The following GLYATL1 variants were observed in gnomAD, a reference collection of about 807,000 sequenced individuals.
The protein encoded by GLYATL1 is glycine-N-acyltransferase like 1, also known as glycine N-acyltransferase-like protein 1.
In GLYATL1, 15 loss-of-function variants were observed where a neutral mutation model predicts 20.0. The ratio of observed to expected loss-of-function variants is 0.75; its 90% CI spans 0.50 to 1.15. The LOEUF (loss-of-function observed/expected upper bound fraction) is 1.15, where lower values mean the gene tolerates loss of function less well. Among genes scored for constraint, GLYATL1 ranks in the 50% most tolerant of loss-of-function variants. The pLI, the probability that GLYATL1 is intolerant of heterozygous loss-of-function variation, is 0.00. For synonymous variants in GLYATL1, 151 were observed against 131.5 expected (o/e 1.15, Z -1.01); for missense variants, 380 against 368.5 (o/e 1.03, Z -0.26).
At chr11:58,948,906 G>C (rs1050435950) in intron 4 of GLYATL1, among the ~76,000 whole-genome samples, 1 of 152,152 alleles carries the variant, frequency 6.6e-6, no homozygotes, top group Non-Finnish European at 1.5e-5. Flanking sequence ...ACTTTTACTA[G>C]CTATATAACC....
intron 4 of GLYATL1, among the ~76,000 whole-genome samples, chr11:58,948,646 T>C (rs1254737645): frequency 6.8e-6 from 1 of 147,942 alleles, no homozygotes; most frequent in Non-Finnish European, 1.5e-5. Context: ...GTTGTTTTTG[T>C]TTTGTTTTTC....
chr11:58,956,162 T>G lies in GLYATL1; in HGVS notation c.*135T>G. 1 of 785,572 alleles carries G rather than the reference T, an allele frequency of 1.3e-6. No individual in the cohort carries two copies. The highest frequency in any genetic ancestry group is 2.8e-5 in the Admixed American group (1 of 35,232). The allele number at this position is 785,572 out of a possible 1,614,324, so 48.7% of individuals were successfully genotyped here. On this transcript the variant is annotated 3_prime_UTR_variant, in exon 7 of 7. Coordinates refer to ENST00000532726, the MANE Select transcript of GLYATL1 (RefSeq NM_001389712.2). The stretch of plus-strand genomic sequence containing the variant: ...CAGGAACTCTTCTCACCTGGAGCCT[T>G]GATGTTAAAAGACACAGCCATGCTC...
At chr11:58,947,756 T>G in intron 3 of GLYATL1, 102 bp from the exon 4 acceptor site, 1 of 795,292 alleles carries the variant, frequency 1.3e-6, no homozygotes, top group Admixed American at 1.8e-5. Flanking sequence ...TGACTTGGTC[T>G]CAGTACCTTC....
chr11:58,918,156 G>A (rs968015733), intron 1 of GLYATL1, among the ~76,000 whole-genome samples: 1 of 152,182 alleles, frequency 6.6e-6, no homozygotes, highest in Non-Finnish European at 1.5e-5. Context: ...TTCTATGGTT[G>A]ATTGGATGCT....
downstream of GLYATL1, among the ~76,000 whole-genome samples, chr11:58,909,776 A>T (rs912435439): frequency 6.6e-6 from 1 of 152,180 alleles, no homozygotes; most frequent in Non-Finnish European, 1.5e-5. Flanking sequence ...AGAGCTCTCC[A>T]TATTGCTGGT....
chr11:58,921,461 C>G (rs1289203301), intron 1 of GLYATL1, among the ~76,000 whole-genome samples: 1 of 152,182 alleles, frequency 6.6e-6, no homozygotes, highest in East Asian at 1.9e-4. Context: ...CTGATCAGGT[C>G]AGTGTCTGGT....
chr11:58,918,641 C>T (rs1855236319), intron 1 of GLYATL1, among the ~76,000 whole-genome samples: 1 of 152,030 alleles, frequency 6.6e-6, no homozygotes, highest in South Asian at 2.1e-4. Flanking sequence ...AGGGGGTTGG[C>T]CAAAGCAACA....
In GLYATL1 at chr11:58,947,109, C is replaced by T. The variant is rs1467787557; in HGVS notation, c.22C>T (p.His8Tyr). MILLNNS[H>Y]KLLALYKSLA... is the part of the protein sequence containing the mutation. ...CAGAATGATCCTACTGAATAACTCC[C>T]ATAAGCTGCTGGCCCTATACAAATC... The change falls in exon 3 of 7, where the codon CAT becomes TAT. Residue 8 changes from histidine (H) to tyrosine (Y), a missense_variant. His to Tyr is a moderately conservative substitution (Grantham distance 83). Transcript: ENST00000532726. 1.9e-6 allele frequency: 3 copies of T among 1,614,036 alleles called. No homozygotes were observed. Among genetic ancestry groups the T allele is most frequent in the Non-Finnish European group, 2.5e-6 (3 of 1,179,874 alleles).
At chr11:58,952,987 A>G (rs1857102723) in intron 4 of GLYATL1, among the ~76,000 whole-genome samples, 1 of 152,252 alleles carries the variant, frequency 6.6e-6, no homozygotes, top group Admixed American at 6.5e-5. Flanking sequence ...TTGTATGTTC[A>G]TTGCTACACA....
chr11:58,948,787 C>G (rs1856768356), intron 4 of GLYATL1, among the ~76,000 whole-genome samples: 1 of 152,190 alleles, frequency 6.6e-6, no homozygotes. Context: ...ATTAATATCT[C>G]CAATTTACAG....
At chr11:58,943,130 A>G in intron 1 of GLYATL1, 7 of 771,382 alleles carry the variant, frequency 9.1e-6, no homozygotes, top group Non-Finnish European at 1.3e-5. Context: ...AACTAATTAC[A>G]GCCTGAGAAG....
chr11:58,955,296 G>A lies in GLYATL1; in HGVS notation c.434G>A (p.Ser145Asn), dbSNP rs564438336. Residue 145 changes from serine to asparagine, a missense_variant, in exon 6 of 7, where the codon AGT becomes AAT. Coordinates refer to ENST00000532726, the MANE Select transcript of GLYATL1 (RefSeq NM_001389712.2). The part of the protein sequence containing the change: ...TEDILKLNAS[S>N]KSKLGSWAET... The stretch of plus-strand genomic sequence containing the variant: ...GATATTCTGAAGCTCAATGCCTCCA[G>A]TAAAAGCAAGCTTGGAAGCTGGGCT... The A allele has an allele frequency of 1.5e-5, 25 of 1,614,176 alleles. No homozygotes were observed. The African/African-American group carries it at 2.9e-4, about 19-fold the overall frequency.
rs974897871 is a variant in GLYATL1 at position 58,931,957 on chromosome 11, C to A, written c.-212+4128C>A. ...AAATCCCATCTCTAGTAAAACAGTA[C>A]AAAAATTAGCCAGGCGTGGTGGCAT... On this transcript the variant is annotated intron_variant, in intron 1 of 7. Transcript: ENST00000317391. Among the ~76,000 whole-genome samples, 6 of 151,436 alleles carry A rather than the reference C, an allele frequency of 4.0e-5. 1 individual carries two copies. Among genetic ancestry groups the A allele is most frequent in the African/African-American group, 1.5e-4 (6 of 41,294 alleles).
rs140293060 is a variant in GLYATL1 at position 58,954,823 on chromosome 11, A to G, written c.240A>G (p.Lys80=). 5,099 of 1,613,278 alleles carry G rather than the reference A, an allele frequency of 3.2e-3. 10 individuals carry two copies. Among genetic ancestry groups the G allele is most frequent in the Admixed American group, 5.3e-3 (317 of 59,942 alleles). Residue 80 remains lysine, a synonymous_variant, in exon 5 of 7, where the codon AAA becomes AAG. Coordinates refer to ENST00000532726, the MANE Select transcript of GLYATL1 (RefSeq NM_001389712.2). ...CAAACGTATATCGTATGTTCTCCAA[A>G]GAGCCTCAAAAATCAGAAGAAGTTT... is the stretch of plus-strand genomic sequence containing the variant. ...SYTNVYRMFS[K]EPQKSEEVLK...
At chr11:58,928,107 CAG>C (rs914314962) in intron 1 of GLYATL1, among the ~76,000 whole-genome samples, 1 of 152,198 alleles carries the variant, frequency 6.6e-6, no homozygotes, top group Non-Finnish European at 1.5e-5. Context: ...TGGGATTTAA[CAG>C]TTTGCATTAC....
chr11:58,930,096 CT>C (rs1855544187), intron 1 of GLYATL1, among the ~76,000 whole-genome samples: 1 of 135,208 alleles, frequency 7.4e-6, no homozygotes, highest in African/African-American at 2.6e-5. Flanking sequence ...CAGGATGCTG[CT>C]TTAAAAAAAA....
upstream of GLYATL1, among the ~76,000 whole-genome samples, chr11:58,927,029 A>T (rs766145737): frequency 4.6e-5 from 7 of 152,236 alleles, no homozygotes; most frequent in Non-Finnish European, 7.3e-5. Context: ...ACACTTACAT[A>T]TAACTCTTCT....
intron 1 of GLYATL1, among the ~76,000 whole-genome samples, chr11:58,914,737 C>T (rs1038001123): frequency 6.6e-6 from 1 of 152,114 alleles, no homozygotes; most frequent in Non-Finnish European, 1.5e-5. Flanking sequence ...TTATGGTATT[C>T]CAGCCAGTGA....
chr11:58,947,642 G>T, intron 3 of GLYATL1: 2 of 557,196 alleles, frequency 3.6e-6, no homozygotes, highest in Non-Finnish European at 6.5e-6. Context: ...TAGCTCTTTG[G>T]TATCACAAGG....
Sources: gnomAD v4.1 joint callset for allele counts (sites outside exome capture counted in the v4.1 genomes callset) on GRCh38, gnomAD v4.1.1 for gene constraint, MANE v1.5 for transcripts, NCBI Gene and HGNC (gene_info 2026-07-23, HGNC 2026-07-21) for gene names.